ZNF606: variants seen among roughly 807,000 people sequenced by gnomAD.
The protein encoded by ZNF606 is zinc finger protein 606.
Under a neutral mutation model 74.9 loss-of-function variants are expected in ZNF606, and 37 were observed. That is an observed-to-expected ratio of 0.49 (90% CI 0.38 to 0.65). The LOEUF is 0.65. ZNF606 is among the 30% of genes least tolerant of loss of function. The pLI is 0.00. For synonymous variants in ZNF606, 328 were observed against 312.4 expected (o/e 1.05, Z -0.53); for missense variants, 852 against 952.9 (o/e 0.89, Z 1.39).
intron 2 of ZNF606, 192 bp downstream of exon 2, chr19:58,001,097 C>T (rs928259813): frequency 3.0e-6 from 2 of 660,242 alleles, no homozygotes; most frequent in Admixed American, 6.2e-5. Flanking sequence ...CAGGAGATGA[C>T]TATAAAACAT....
Position 57,988,656 on chromosome 19 carries a change from A to G in ZNF606, c.243T>C (p.Leu81=), listed in dbSNP as rs2073203367. Residue 81 remains leucine, a synonymous_variant, in exon 5 of 7, where the codon CTT becomes CTC. Coordinates refer to ENST00000551380, the MANE Select transcript of ZNF606 (RefSeq NM_001348022.3). ...FTQEEWGQLD[L]VQRTLYRDVM... ...CATCACGGTACAGGGTCCTCTGAAC[A>G]AGGTCCAGCTGCCCCCACTCTTCTT... The G allele has an allele frequency of 1.2e-6, 2 of 1,614,032 alleles. No individual in the cohort carries two copies. The highest frequency in any genetic ancestry group is 1.3e-5 in the African/African-American group (1 of 74,900).
chr19:57,978,678 C>T lies in ZNF606; in HGVS notation c.2002G>A (p.Val668Ile). Residue 668 changes from valine to isoleucine, a missense_variant, in exon 7 of 7, where the codon GTT becomes ATT. Val to Ile is a conservative substitution (Grantham distance 29, BLOSUM62 3). Transcript: ENST00000551380. The surrounding 1 kb of genome is among the most constrained non-coding windows in gnomAD (Gnocchi z 4.4). The stretch of plus-strand genomic sequence containing the variant: ...CCAGTGTGAATTCTCCGATGAGCAA[C>T]AAGGTGACAGCTCTGACTGAAGGAT... ...GKSFSQSCHLVAHRRIHTGEK... is the reference protein window; with the variant it reads ...GKSFSQSCHLIAHRRIHTGEK... The T allele has an allele frequency of 6.2e-7, 1 of 1,614,096 alleles. No homozygotes were observed. The highest frequency in any genetic ancestry group is 2.2e-5 in the East Asian group (1 of 44,870).
At chr19:57,998,857 A>G (rs2073375538) in intron 4 of ZNF606, 1 of 152,262 alleles carries the variant, frequency 6.6e-6, no homozygotes, top group Non-Finnish European at 1.5e-5. Context: ...CCCTGTCCCC[A>G]TAATCACAAA....
At chr19:57,980,711 T>C (rs145970840) in intron 6 of ZNF606, among the ~76,000 whole-genome samples, 1 of 151,916 alleles carries the variant, frequency 6.6e-6, no homozygotes, top group Non-Finnish European at 1.5e-5. Context: ...GGCGGGTGCC[T>C]GTAGTCCCAG....
chr19:57,988,001 A>C (rs1048234165), intron 6 of ZNF606, among the ~76,000 whole-genome samples: 13 of 152,206 alleles, frequency 8.5e-5, no homozygotes, highest in Non-Finnish European at 1.6e-4. Flanking sequence ...AACAGGAGCC[A>C]TCAAGAGCCG....
At chr19:57,997,761 T>A (rs556984159) in intron 4 of ZNF606, 16 of 152,322 alleles carry the variant, frequency 1.1e-4, no homozygotes, top group African/African-American at 3.6e-4. Flanking sequence ...CTCCTCAGAG[T>A]CTGATTCAGG....
intron 4 of ZNF606, among the ~76,000 whole-genome samples, chr19:57,992,267 T>C (rs145590758): frequency 2.6e-4 from 40 of 152,212 alleles, no homozygotes; most frequent in African/African-American, 9.4e-4. Context: ...AGTCTGACAA[T>C]ACCTGCACCC....
intron 4 of ZNF606, among the ~76,000 whole-genome samples, chr19:57,994,020 T>A (rs914898667): frequency 2.0e-5 from 3 of 152,160 alleles, no homozygotes; most frequent in Non-Finnish European, 4.4e-5. Flanking sequence ...GCGACTGAAC[T>A]AAGTAGCCAC....
intron 5 of ZNF606, 64 bp from the exon 6 acceptor site, chr19:57,988,366 C>A: frequency 5.2e-6 from 8 of 1,526,040 alleles, no homozygotes; most frequent in Non-Finnish European, 5.4e-6. Context: ...AAGAAAGCTT[C>A]TCTTGCCTAT....
chr19:57,995,598 T>G (rs777531820), intron 4 of ZNF606, among the ~76,000 whole-genome samples: 2 of 152,142 alleles, frequency 1.3e-5, no homozygotes, highest in Non-Finnish European at 1.5e-5. Context: ...GGCAGGCAGA[T>G]CACTGAGGAC....
chr19:58,002,830 C>T (rs2073465573), upstream of ZNF606: 1 of 447,990 alleles, frequency 2.2e-6, no homozygotes, highest in Non-Finnish European at 4.5e-6. Context: ...CGGAGCGCGC[C>T]GCGGGGTCTG....
At position 57,981,884 on chromosome 19, in the gene ZNF606, C is replaced by T. The variant is rs182070061; in HGVS notation, c.401-1605G>A. Among the ~76,000 whole-genome samples the T allele has an allele frequency of 1.0e-3, 153 of 152,282 alleles. 3 individuals are homozygous for T. Among genetic ancestry groups the T allele is most frequent in the African/African-American group, 3.6e-3 (148 of 41,574 alleles). On this transcript the variant is annotated intron_variant, in intron 6 of 6. Coordinates refer to ENST00000551380, the MANE Select transcript of ZNF606 (RefSeq NM_001348022.3). ...CTGCTAATCTGTATGTGAACAATGG[C>T]CCTGCTGCTATCCTTAGAGAGCTTT...
Position 57,978,374 on chromosome 19 carries a change from C to T in ZNF606, c.2306G>A (p.Cys769Tyr). 3.1e-6 allele frequency: 5 copies of T among 1,610,138 alleles called. No homozygotes were observed. Among genetic ancestry groups the T allele is most frequent in the Non-Finnish European group, 4.2e-6 (5 of 1,176,688 alleles). Residue 769 changes from cysteine (C) to tyrosine (Y), a missense_variant, in exon 7 of 7, where the codon TGT becomes TAT. Coordinates refer to ENST00000551380, the MANE Select transcript of ZNF606 (RefSeq NM_001348022.3). The surrounding 1 kb of genome is among the most constrained non-coding windows in gnomAD (Gnocchi z 4.4). ...SGEKRFICSE[C>Y]GKAFSGHSAL... ...TGAGTGACCACTAAAGGCTTTTCCA[C>T]ATTCACTGCATATAAAGCGTTTCTC...
At chr19:57,991,597 T>C (rs535876071) in intron 4 of ZNF606, among the ~76,000 whole-genome samples, 1 of 152,014 alleles carries the variant, frequency 6.6e-6, no homozygotes, top group Non-Finnish European at 1.5e-5. Flanking sequence ...CTGGCCAAGA[T>C]GATGAAAACC....
chr19:58,001,508 A>G lies in ZNF606; in HGVS notation c.-51-138T>C, dbSNP rs1448383685. On this transcript the variant is annotated intron_variant, in intron 1 of 6. Transcript: ENST00000551380. ...GTAAGAAAAGAGAATTTACATGTCA[A>G]AAAAGTAACACAATTCCTGGAGAGA... 1.4e-5 allele frequency: 9 copies of G among 652,850 alleles called. No homozygotes were observed. The East Asian group carries it at 2.2e-4, about 16-fold the overall frequency. 40.4% of individuals were successfully genotyped at this position (652,850 alleles called of 1,614,324 possible).
intron 3 of ZNF606, 76 bp from the exon 4 acceptor site, chr19:57,999,972 C>CT: frequency 2.4e-6 from 3 of 1,268,414 alleles, no homozygotes; most frequent in Non-Finnish European, 3.3e-6. Context: ...GGGCTGAGAA[C>CT]CAGCCCCTGC....
intron 4 of ZNF606, among the ~76,000 whole-genome samples, chr19:57,989,040 G>A (rs2073210646): frequency 6.6e-6 from 1 of 152,148 alleles, no homozygotes; most frequent in Non-Finnish European, 1.5e-5. Flanking sequence ...TTCTGGAAAG[G>A]CAGTCATATA....
In ZNF606 at chr19:58,001,309, A is replaced by G; in HGVS notation, c.11T>C (p.Ile4Thr). The change falls in exon 2 of 7, where the codon ATC (isoleucine) becomes ACC (threonine). Residue 4 changes from isoleucine (I) to threonine (T), a missense_variant. Transcript: ENST00000551380. ...CTCACCCCAGGAGGCCCACGGGTTG[A>G]TGGCTGCCATCCCGAGGACTGATTG... MAA[I>T]NPWASWGALT... 6.2e-7 allele frequency: 1 copy of G among 1,614,184 alleles called. No homozygotes were observed. Among genetic ancestry groups the G allele is most frequent in the Non-Finnish European group, 8.5e-7 (1 of 1,180,022 alleles).
At position 57,979,115 on chromosome 19, in the gene ZNF606, C is replaced by A. The variant is rs1254159661; in HGVS notation, c.1565G>T (p.Ser522Ile). ...ATGGGCAATAAGATGGGAGCTCCAG[C>A]TGAATGATTTCCCACATTCAGTACA... ...FECTECGKSFSWSSHLIAHMR... is the reference protein window; with the variant it reads ...FECTECGKSFIWSSHLIAHMR... Residue 522 changes from serine (S) to isoleucine (I), a missense_variant, in exon 7 of 7, where the codon AGC (serine) becomes ATC (isoleucine). Physicochemically the swap from Ser to Ile is moderately radical, Grantham distance 142. Around this residue, in one of 3 missense-constraint regions of ZNF606, gnomAD observed 243 missense variants for 359.2 expected, o/e 0.68. Coordinates refer to ENST00000551380, the MANE Select transcript of ZNF606 (RefSeq NM_001348022.3). The A allele has an allele frequency of 1.9e-6, 3 of 1,614,080 alleles. No individual in the cohort carries two copies. Among genetic ancestry groups the A allele is most frequent in the Non-Finnish European group, 2.5e-6 (3 of 1,180,024 alleles).
Sources: gnomAD v4.1 joint callset for allele counts (sites outside exome capture counted in the v4.1 genomes callset) on GRCh38, gnomAD v4.1.1 for gene constraint, gnomAD v4.1.1 regional missense constraint, Gnocchi (gnomAD v3.1) non-coding constraint, MANE v1.5 for transcripts, NCBI Gene and HGNC (gene_info 2026-07-23, HGNC 2026-07-21) for gene names.